Variants in ARHGEF18 observed in about 807,000 individuals in gnomAD.
ARHGEF18 encodes Rho/Rac guanine nucleotide exchange factor 18.
Under a neutral mutation model 155.7 loss-of-function variants are expected in ARHGEF18, and 93 were observed. That is an observed-to-expected ratio of 0.60 (90% confidence interval 0.50 to 0.71). ARHGEF18 has a LOEUF of 0.71. Among genes scored for constraint, ARHGEF18 ranks in the 30% least tolerant of loss-of-function variants. The pLI is 0.00. For synonymous variants in ARHGEF18, 742 were observed against 753.1 expected (o/e 0.99, Z 0.24); for missense variants, 1,593 against 1,816.1 (o/e 0.88, Z 2.23).
At chr19:7,448,683 A>AG (rs1276625123) in intron 15 of ARHGEF18, among the ~76,000 whole-genome samples, 2 of 150,884 alleles carry the variant, frequency 1.3e-5, no homozygotes, top group African/African-American at 4.9e-5. Context: ...AAAAAAAAAA[A>AG]GGAGGGTTAC....
rs1350386604 is a variant in ARHGEF18, at chr19:7,382,911, C to T, written c.825+17C>T. The T allele has an allele frequency of 4.1e-6, 5 of 1,232,464 alleles. No individual in the cohort carries two copies. The highest frequency in any genetic ancestry group is 4.2e-5 in the Admixed American group (1 of 23,694). The allele number at this position is 1,232,464 out of a possible 1,614,324, so 76.3% of individuals were successfully genotyped here. On this transcript the variant is annotated intron_variant, in intron 9 of 28. Coordinates refer to ENST00000668164, the MANE Select transcript of ARHGEF18 (RefSeq NM_001367823.1). ...AAGGAGAAGGTAAGGGGAGCTAAGC[C>T]ACGGGGGCCCTCCTCTGCCTTCCCC...
chr19:7,458,429 C>A (rs1975989088), intron 18 of ARHGEF18, 83 bp from the exon 19 acceptor site: 1 of 1,333,846 alleles, frequency 7.5e-7, no homozygotes, highest in South Asian at 1.5e-5. Context: ...ACTCTTAGTT[C>A]CCCTCACCAG....
chr19:7,377,356 C>T (rs1254885315), intron 5 of ARHGEF18, among the ~76,000 whole-genome samples: 1 of 152,010 alleles, frequency 6.6e-6, no homozygotes, highest in African/African-American at 2.4e-5. Context: ...CAGGCATGAA[C>T]CACCGCGCCC....
intron 3 of ARHGEF18, among the ~76,000 whole-genome samples, chr19:7,375,424 A>AAAGGAAGGAAGAAAAGGAAGG (rs1568277211): frequency 6.6e-6 from 1 of 150,790 alleles, no homozygotes; most frequent in African/African-American, 2.4e-5. Context: ...AGGAAGGAAG[A>AAAGGAAGGAAGAAAAGGAAGG]AAGGAAGGAA....
intron 1 of ARHGEF18, among the ~76,000 whole-genome samples, chr19:7,362,083 GAGA>G (rs1390506322): frequency 3.0e-5 from 1 of 33,552 alleles, no homozygotes; most frequent in Non-Finnish European, 5.2e-5. Context: ...GAAGGAGAAG[GAGA>G]AGGAGAAGGA....
At chr19:7,460,195 G>T (rs993073347) in intron 20 of ARHGEF18, among the ~76,000 whole-genome samples, 1 of 152,116 alleles carries the variant, frequency 6.6e-6, no homozygotes, top group African/African-American at 2.4e-5. Context: ...AGCCCTTTGG[G>T]GGTATGTGGG....
rs1976689406 is a variant in ARHGEF18 at position 7,467,238 on chromosome 19, T to G, written c.3034T>G (p.Tyr1012Asp). Residue 1012 changes from tyrosine to aspartate, a missense_variant, in exon 26 of 29, where the codon TAT becomes GAT. Physicochemically the swap from Tyr to Asp is radical, Grantham distance 160. Transcript: ENST00000668164. ...GGCGGTAATCGCCCACCAGGACAGC[T>G]ATGTGGAGACGCAGCGGGCTGCCAT... ...LQAVIAHQDS[Y>D]VETQRAAIQE... 1 of 1,590,916 alleles carries G rather than the reference T, an allele frequency of 6.3e-7. No individual in the cohort carries two copies. The highest frequency in any genetic ancestry group is 1.3e-5 in the African/African-American group (1 of 74,416).
chr19:7,362,692 G>A, intron 1 of ARHGEF18, 89 bp from the exon 2 acceptor site: 2 of 1,179,778 alleles, frequency 1.7e-6, no homozygotes, highest in Non-Finnish European at 2.1e-6. Context: ...TGAGGTCCAG[G>A]GTGACCAGCA....
In ARHGEF18 at chr19:7,373,579, G is replaced by A. The variant is rs565596704; in HGVS notation, c.275+508G>A. On this transcript the variant is annotated intron_variant, in intron 3 of 28. Coordinates refer to ENST00000668164, the MANE Select transcript of ARHGEF18 (RefSeq NM_001367823.1). ...CAATCTCCGCCTCCTGGGTTCAAGC[G>A]ATTCTCCTGCCTCAGCCTCCCGAGT... is the stretch of plus-strand genomic sequence containing the variant. Among the ~76,000 whole-genome samples the A allele has an allele frequency of 4.6e-5, 7 of 151,448 alleles. No individual in the cohort carries two copies. In the South Asian group the frequency reaches 6.2e-4, roughly 14 times the overall value.
intron 13 of ARHGEF18, among the ~76,000 whole-genome samples, chr19:7,443,848 G>C (rs1430987962): frequency 6.6e-6 from 1 of 151,768 alleles, no homozygotes; most frequent in Non-Finnish European, 1.5e-5. Flanking sequence ...AGGTTGCAGT[G>C]AGCTGAGATT....
At chr19:7,466,054 A>T (rs1286885766) in intron 23 of ARHGEF18, among the ~76,000 whole-genome samples, 1 of 152,058 alleles carries the variant, frequency 6.6e-6, no homozygotes, top group African/African-American at 2.4e-5. Flanking sequence ...ACTGCACTCT[A>T]GCCTGGGCGA....
chr19:7,350,908 A>G (rs1044191841), intron 1 of ARHGEF18, among the ~76,000 whole-genome samples: 7 of 151,714 alleles, frequency 4.6e-5, no homozygotes, highest in African/African-American at 1.7e-4. Context: ...GGTTTAAGCA[A>G]TTCTCCTGCC....
At chr19:7,439,757 T>C in intron 10 of ARHGEF18, 3 of 1,393,216 alleles carry the variant, frequency 2.2e-6, no homozygotes, top group East Asian at 5.2e-5. Context: ...ATTATCATCA[T>C]GTGCGAGGTT....
rs186871966 is a variant in ARHGEF18, at chr19:7,391,596, C to G, written c.967+8393C>G. ...CTCATCCAGCGCTGTTCCTGGAACTCCCTCTCCCACCTAACTCTTACTCAT... is the reference window on the plus strand; with the variant it reads ...CTCATCCAGCGCTGTTCCTGGAACTGCCTCTCCCACCTAACTCTTACTCAT... On this transcript the variant is annotated intron_variant, in intron 10 of 28. Coordinates refer to ENST00000668164, the MANE Select transcript of ARHGEF18 (RefSeq NM_001367823.1). 1.8e-3 allele frequency among the ~76,000 whole-genome samples: 270 copies of G among 152,242 alleles called. 11 individuals are homozygous for G. The South Asian group carries it at 0.054, about 30-fold the overall frequency.
At chr19:7,361,413 G>A (rs539518866) in intron 1 of ARHGEF18, among the ~76,000 whole-genome samples, 2 of 152,252 alleles carry the variant, frequency 1.3e-5, no homozygotes, top group East Asian at 3.9e-4. Context: ...ACTCCAGCCT[G>A]GGCAACAGAG....
chr19:7,371,231 G>A (rs1600213556), intron 2 of ARHGEF18, among the ~76,000 whole-genome samples: 1 of 152,194 alleles, frequency 6.6e-6, no homozygotes, highest in East Asian at 1.9e-4. Flanking sequence ...AAAGTAGAAA[G>A]GTGGGTGCCA....
intron 10 of ARHGEF18, among the ~76,000 whole-genome samples, chr19:7,416,979 G>A (rs1342353628): frequency 3.3e-5 from 5 of 151,742 alleles, no homozygotes; most frequent in African/African-American, 9.7e-5. Flanking sequence ...GCACCATCTC[G>A]GCTCACTGCA....
At chr19:7,414,300 A>T (rs1972869086) in intron 10 of ARHGEF18, among the ~76,000 whole-genome samples, 2 of 152,182 alleles carry the variant, frequency 1.3e-5, no homozygotes, top group Non-Finnish European at 2.9e-5. Flanking sequence ...TAAGTACAGG[A>T]TGGGGAAATA....
chr19:7,388,902 T>G (rs1971233170), intron 10 of ARHGEF18, among the ~76,000 whole-genome samples: 1 of 151,996 alleles, frequency 6.6e-6, no homozygotes, highest in Non-Finnish European at 1.5e-5. Flanking sequence ...TTTTAAAAAA[T>G]ATACTTTTAA....
Sources: gnomAD v4.1 joint callset for allele counts (sites outside exome capture counted in the v4.1 genomes callset) on GRCh38, gnomAD v4.1.1 for gene constraint, MANE v1.5 for transcripts, NCBI Gene and HGNC (gene_info 2026-07-23, HGNC 2026-07-21) for gene names.